TXK: variants seen among roughly 807,000 people sequenced by gnomAD.
The protein encoded by TXK is tyrosine-protein kinase TXK.
In TXK, 60 loss-of-function variants were observed where a neutral mutation model predicts 81.0. The observed-to-expected ratio is 0.74, with a 90% CI of 0.60 to 0.92. The LOEUF is 0.92. Among genes scored for constraint, TXK ranks in the 40% least tolerant of loss-of-function variants. TXK has a pLI of 0.00. For missense variants in TXK, 581 were observed against 638.3 expected (o/e 0.91, Z 0.97); for synonymous variants, 203 against 210.7 (o/e 0.96, Z 0.32).
intron 2 of TXK, 151 bp from the exon 3 acceptor site, chr4:48,113,460 CA>C: frequency 1.8e-6 from 1 of 555,924 alleles, no homozygotes. Context: ...TCTCCCTGGG[CA>C]AATTACTGGT....
At position 48,087,438 on chromosome 4, in the gene TXK, A is replaced by T. The variant is rs909446717; in HGVS notation, c.785-801T>A. ...AGGTATGTTTTATTTTATTATTATTATTATTTTTTTTTTTGGAGGAAGGGT... is the reference window on the plus strand; with the variant it reads ...AGGTATGTTTTATTTTATTATTATTTTTATTTTTTTTTTTGGAGGAAGGGT... On this transcript the variant is annotated intron_variant, in intron 9 of 14. Transcript: ENST00000264316. Among the ~76,000 whole-genome samples, 462 of 150,452 alleles carry T rather than the reference A, an allele frequency of 3.1e-3. 5 individuals are homozygous for T. Among genetic ancestry groups the T allele is most frequent in the African/African-American group, 1.0e-2 (408 of 40,908 alleles).
At chr4:48,072,079 C>T (rs1577645172) in intron 13 of TXK, among the ~76,000 whole-genome samples, 2 of 151,904 alleles carry the variant, frequency 1.3e-5, no homozygotes, top group South Asian at 4.2e-4. Context: ...TCTCAGCTCA[C>T]TGCAACCTCT....
intron 11 of TXK, among the ~76,000 whole-genome samples, chr4:48,079,665 C>G (rs1166869644): frequency 2.0e-5 from 3 of 152,218 alleles, no homozygotes; most frequent in Non-Finnish European, 4.4e-5. Flanking sequence ...TTCTCTATCA[C>G]AATTCCTCTG....
At chr4:48,094,251 T>C in intron 7 of TXK, 47 bp from the exon 8 acceptor site, 1 of 1,602,294 alleles carries the variant, frequency 6.2e-7, no homozygotes, top group Non-Finnish European at 8.5e-7. Context: ...AAGATCAATT[T>C]GGATCTAAGC....
chr4:48,119,520 C>T (rs892933114), intron 1 of TXK, among the ~76,000 whole-genome samples: 21 of 152,280 alleles, frequency 1.4e-4, no homozygotes, highest in Non-Finnish European at 2.5e-4. Flanking sequence ...TTGCTCCCCC[C>T]GATTTCTCTC....
At chr4:48,083,270 C>T (rs1717380962) in intron 10 of TXK, among the ~76,000 whole-genome samples, 1 of 152,206 alleles carries the variant, frequency 6.6e-6, no homozygotes. Flanking sequence ...TGTAAAAGGT[C>T]ATAGTGGCTG....
intron 1 of TXK, among the ~76,000 whole-genome samples, chr4:48,128,560 CCTT>C (rs1205888549): frequency 8.4e-6 from 1 of 119,506 alleles, no homozygotes; most frequent in Non-Finnish European, 1.7e-5. Flanking sequence ...ACCACTACAT[CCTT>C]TTTTTTTTTT....
chr4:48,087,571 G>T (rs1717587071), intron 9 of TXK, among the ~76,000 whole-genome samples: 2 of 152,148 alleles, frequency 1.3e-5, no homozygotes, highest in Non-Finnish European at 2.9e-5. Context: ...AAGTAGCTGG[G>T]ATTACAGGCA....
chr4:48,094,221 G>T lies in TXK; in HGVS notation c.582-17C>A. On this transcript the variant is annotated splice_polypyrimidine_tract_variant and intron_variant, in intron 7 of 14. Coordinates refer to ENST00000264316, the MANE Select transcript of TXK (RefSeq NM_003328.3). ...TCCGTACTTCTACAATCAAGAAAAT[G>T]TGAATTACTAGAAATGTGAAAGATC... The T allele has an allele frequency of 6.2e-7, 1 of 1,611,494 alleles. No homozygotes were observed. The highest frequency in any genetic ancestry group is 8.5e-7 in the Non-Finnish European group (1 of 1,179,638).
At chr4:48,114,223 G>T in intron 2 of TXK, 125 bp downstream of exon 2, 1 of 899,654 alleles carries the variant, frequency 1.1e-6, no homozygotes, top group Non-Finnish European at 1.7e-6. Flanking sequence ...ATTCCACAGG[G>T]AGAAAATGGG....
chr4:48,074,530 T>G (rs1035045437), intron 12 of TXK, among the ~76,000 whole-genome samples: 1 of 152,186 alleles, frequency 6.6e-6, no homozygotes, highest in Admixed American at 6.5e-5. Flanking sequence ...AGTAAAAGTA[T>G]ATGAACATAA....
intron 11 of TXK, 86 bp from the exon 12 acceptor site, chr4:48,076,552 C>T: frequency 6.8e-6 from 7 of 1,022,960 alleles, no homozygotes; most frequent in Non-Finnish European, 1.1e-5. Flanking sequence ...GTTATTTGGA[C>T]CCCACACTAC....
At chr4:48,121,128 C>T (rs1378730701) in intron 1 of TXK, among the ~76,000 whole-genome samples, 1 of 152,186 alleles carries the variant, frequency 6.6e-6, no homozygotes, top group Non-Finnish European at 1.5e-5. Context: ...TATCCCATTC[C>T]CTCCTGCAGC....
intron 14 of TXK, among the ~76,000 whole-genome samples, chr4:48,068,249 G>A (rs1197429910): frequency 2.0e-5 from 3 of 152,126 alleles, no homozygotes; most frequent in East Asian, 1.9e-4. Flanking sequence ...AGGACACCAC[G>A]ACCCTAGAGA....
chr4:48,114,276 T>C lies in TXK; in HGVS notation c.71+72A>G, dbSNP rs1718731433. On this transcript the variant is annotated intron_variant, in intron 2 of 14. Transcript: ENST00000264316. ...AGAGAACAGCGGGTGCAAAGAGACA[T>C]GGTGACTCCACAGGTAATAAAGAAA... The C allele has an allele frequency of 9.4e-6, 14 of 1,487,934 alleles. No homozygotes were observed. In the South Asian group the frequency reaches 1.0e-4, roughly 11 times the overall value. The allele number at this position is 1,487,934 out of a possible 1,614,324, so 92.2% of individuals were successfully genotyped here.
At chr4:48,128,416 C>T (rs1378366667) in intron 1 of TXK, among the ~76,000 whole-genome samples, 1 of 152,006 alleles carries the variant, frequency 6.6e-6, no homozygotes, top group Non-Finnish European at 1.5e-5. Context: ...GCCTTAAAAA[C>T]TTGTGGCTTT....
intron 7 of TXK, among the ~76,000 whole-genome samples, chr4:48,094,600 T>C (rs1161368417): frequency 2.0e-5 from 3 of 152,208 alleles, no homozygotes; most frequent in Non-Finnish European, 4.4e-5. Context: ...GTTACTACTA[T>C]GGGCAATTGG....
rs34574349 is a variant in TXK, at chr4:48,086,523, G to A, written c.899C>T (p.Ala300Val). 979 of 1,614,040 alleles carry A rather than the reference G, an allele frequency of 6.1e-4. 8 individuals are homozygous for A. In the Admixed American group the frequency reaches 6.5e-3, roughly 11 times the overall value. ...WRSHIQVAIK[A>V]INEGSMSEED... ...TTCAGACATGGAGCCTTCATTGATGGCCTTGATAGCTACCTGGATATGTGA... is the reference window on the plus strand; with the variant it reads ...TTCAGACATGGAGCCTTCATTGATGACCTTGATAGCTACCTGGATATGTGA... Residue 300 changes from alanine to valine, a missense_variant, in exon 10 of 15, where the codon GCC becomes GTC. Physicochemically the swap from Ala to Val is moderately conservative, Grantham distance 64. Coordinates refer to ENST00000264316, the MANE Select transcript of TXK (RefSeq NM_003328.3).
chr4:48,076,507 T>C (rs776314367), intron 11 of TXK, 41 bp from the exon 12 acceptor site: 1 of 1,566,718 alleles, frequency 6.4e-7, no homozygotes. Context: ...AATACAAGCT[T>C]TTATTTCAAG....
Sources: allele counts gnomAD v4.1 joint callset (sites outside exome capture counted in the v4.1 genomes callset), GRCh38; gene constraint gnomAD v4.1.1; transcripts MANE v1.5; gene names NCBI Gene and HGNC (gene_info 2026-07-23, HGNC 2026-07-21).